The following TGFBI variants were observed in gnomAD, a reference collection of about 807,000 sequenced individuals.
TGFBI encodes the protein transforming growth factor beta induced.
In TGFBI, 50 loss-of-function variants were observed where a neutral mutation model predicts 73.7. That is an observed-to-expected ratio of 0.68 (90% confidence interval 0.54 to 0.86). The LOEUF (loss-of-function observed/expected upper bound fraction) is 0.86. TGFBI is among the 40% of genes least tolerant of loss of function. TGFBI has a pLI of 0.00. For missense variants in TGFBI, 839 were observed against 877.0 expected (o/e 0.96, Z 0.55); for synonymous variants, 362 against 360.5 (o/e 1.00, Z -0.05).
intron 13 of TGFBI, among the ~76,000 whole-genome samples, chr5:136,060,433 G>A (rs1202829347): frequency 3.9e-5 from 6 of 152,330 alleles, no homozygotes; most frequent in South Asian, 2.1e-4. Flanking sequence ...TCAGTAGGCC[G>A]GGTGCAGTGG....
chr5:136,048,681 T>A (rs1751479505), intron 6 of TGFBI: 1 of 152,320 alleles, frequency 6.6e-6, no homozygotes, highest in Admixed American at 6.5e-5. Flanking sequence ...AGGATGAGAA[T>A]GGGTCCATTA....
intron 11 of TGFBI, among the ~76,000 whole-genome samples, chr5:136,056,060 G>A (rs895111701): frequency 6.6e-6 from 1 of 152,144 alleles, no homozygotes; most frequent in African/African-American, 2.4e-5. Flanking sequence ...AGGGAGGGGG[G>A]ACTACATTTT....
Position 136,038,650 on chromosome 5 carries a change from G to A in TGFBI, c.233+4789G>A, listed in dbSNP as rs548296554. Among the ~76,000 whole-genome samples, 4 of 151,662 alleles carry A rather than the reference G, an allele frequency of 2.6e-5. No homozygotes were observed. In the South Asian group the frequency reaches 8.3e-4, roughly 32 times the overall value. ...GCGGGAGAATTGCTTGAACCCAGGA[G>A]GCAGAGGTTGTGGTGAGCTGAGATC... On this transcript the variant is annotated intron_variant, in intron 2 of 16. Transcript: ENST00000442011.
chr5:136,061,260 T>C (rs1404371707), intron 14 of TGFBI: 1 of 586,646 alleles, frequency 1.7e-6, no homozygotes, highest in African/African-American at 1.9e-5. Context: ...CCTCAGTGTA[T>C]GTTCCTTGCC....
At chr5:136,045,403 G>C (rs1045644453) in intron 3 of TGFBI, among the ~76,000 whole-genome samples, 4 of 152,136 alleles carry the variant, frequency 2.6e-5, no homozygotes, top group Non-Finnish European at 5.9e-5. Flanking sequence ...AAATTAGCTG[G>C]GTGTGGTGGT....
rs1173481910 is a variant in TGFBI at position 136,063,259 on chromosome 5, A to C, written c.*33A>C. 3 of 1,597,296 alleles carry C rather than the reference A, an allele frequency of 1.9e-6. No homozygotes were observed. Among genetic ancestry groups the C allele is most frequent in the Non-Finnish European group, 2.6e-6 (3 of 1,165,492 alleles). ...CACTACAGGAGGAATGCACCACGGC[A>C]GCTCTCCGCCAATTTCTCTCAGATT... On this transcript the variant is annotated 3_prime_UTR_variant, in exon 17 of 17. Coordinates refer to ENST00000442011, the MANE Select transcript of TGFBI (RefSeq NM_000358.3).
chr5:136,040,213 C>T (rs1751305589), intron 2 of TGFBI, among the ~76,000 whole-genome samples: 1 of 152,150 alleles, frequency 6.6e-6, no homozygotes, highest in Non-Finnish European at 1.5e-5. Flanking sequence ...GCCTCCCAGA[C>T]ATCCCTACAC....
intron 12 of TGFBI, among the ~76,000 whole-genome samples, chr5:136,057,716 C>G (rs1328517921): frequency 6.6e-6 from 1 of 152,168 alleles, no homozygotes; most frequent in African/African-American, 2.4e-5. Flanking sequence ...ACATTGTCTA[C>G]ACCTCCCTTC....
chr5:136,029,228 G>A, intron 1 of TGFBI, 39 bp downstream of exon 1: 1 of 1,433,358 alleles, frequency 7.0e-7, no homozygotes, highest in Non-Finnish European at 9.1e-7. Context: ...CGGAAGGTCA[G>A]GTAGTCGGGG....
At chr5:136,030,616 AG>A (rs1361282546) in intron 1 of TGFBI, among the ~76,000 whole-genome samples, 5 of 152,206 alleles carry the variant, frequency 3.3e-5, no homozygotes, top group Admixed American at 6.5e-5. Flanking sequence ...GAATAGAGTG[AG>A]GGGGGATGTC....
chr5:136,047,333 G>T lies in TGFBI; in HGVS notation c.684G>T (p.Val228=). The T allele has an allele frequency of 6.2e-7, 1 of 1,613,740 alleles. No individual in the cohort carries two copies. Among genetic ancestry groups the T allele is most frequent in the Non-Finnish European group, 8.5e-7 (1 of 1,179,836 alleles). ...LKADHHATNG[V]VHLIDKVIST... ...CCGACCACCATGCAACCAACGGGGT[G>T]GTGCACCTCATCGATAAGGTCATCT... The change falls in exon 6 of 17, where the codon GTG becomes GTT. Residue 228 remains valine, a synonymous_variant. Transcript: ENST00000442011.
At chr5:136,045,895 A>G (rs1751418475) in intron 3 of TGFBI, 1 of 153,456 alleles carries the variant, frequency 6.5e-6, no homozygotes, top group Non-Finnish European at 1.5e-5. Context: ...AAGAAATAAC[A>G]TTTTATTACC....
rs778990116 is a variant in TGFBI, at chr5:136,055,682, C to T, written c.1413C>T (p.Ser471=). Residue 471 remains serine, a splice_region_variant and synonymous_variant, in exon 11 of 17, where the codon AGC becomes AGT. Coordinates refer to ENST00000442011, the MANE Select transcript of TGFBI (RefSeq NM_000358.3). ...KKLRVFVYRN[S]LCIENSCIAA... ...TTCTCTGTCCCTCTTCTGTGCAGAG[C>T]CTCTGCATTGAGAACAGCTGCATCG... is the stretch of plus-strand genomic sequence containing the variant. 3 of 1,600,340 alleles carry T rather than the reference C, an allele frequency of 1.9e-6. No individual in the cohort carries two copies. The highest frequency in any genetic ancestry group is 2.6e-6 in the Non-Finnish European group (3 of 1,169,430).
At chr5:136,056,838 G>A (rs2126915449) in intron 12 of TGFBI, 43 bp downstream of exon 12, 2 of 1,573,852 alleles carry the variant, frequency 1.3e-6, no homozygotes, top group African/African-American at 1.4e-5. Context: ...TTCTAAAGTA[G>A]TGATCCCTCA....
chr5:136,030,038 A>G (rs1751088982), intron 1 of TGFBI, among the ~76,000 whole-genome samples: 1 of 152,224 alleles, frequency 6.6e-6, no homozygotes, highest in Non-Finnish European at 1.5e-5. Flanking sequence ...AGAGGCAGGC[A>G]ACATTTCTAC....
chr5:136,033,070 G>A (rs887152140), intron 1 of TGFBI, among the ~76,000 whole-genome samples: 11 of 152,118 alleles, frequency 7.2e-5, no homozygotes, highest in Admixed American at 2.0e-4. Flanking sequence ...AACAGAACAA[G>A]GCAGAACACT....
At chr5:136,057,280 C>T (rs1315097437) in intron 12 of TGFBI, among the ~76,000 whole-genome samples, 2 of 152,262 alleles carry the variant, frequency 1.3e-5, no homozygotes, top group Middle Eastern at 3.4e-3. Context: ...AGGGTGGCTG[C>T]GACCAGCCCA....
At chr5:136,033,051 A>G (rs1279162990) in intron 1 of TGFBI, among the ~76,000 whole-genome samples, 2 of 152,070 alleles carry the variant, frequency 1.3e-5, no homozygotes, top group Non-Finnish European at 2.9e-5. Context: ...CCCCATCTAG[A>G]ATGTGAACAA....
Position 136,046,926 on chromosome 5 carries a change from C to A in TGFBI, c.535C>A (p.Arg179=), listed in dbSNP as rs886059924. 1.9e-6 allele frequency: 3 copies of A among 1,613,714 alleles called. No individual in the cohort carries two copies. Among genetic ancestry groups the A allele is most frequent in the Non-Finnish European group, 2.5e-6 (3 of 1,179,818 alleles). The part of the protein sequence containing the change: ...NALRYHMVGR[R]VLTDELKHGM... Reference sequence around the variant, plus strand: ...CCTCCGCTACCATATGGTGGGCAGGCGAGTCCTGACTGATGAGCTGAAACA... The same window carrying A: ...CCTCCGCTACCATATGGTGGGCAGGAGAGTCCTGACTGATGAGCTGAAACA... The change falls in exon 5 of 17, where the codon CGA becomes AGA. Residue 179 remains arginine, a synonymous_variant. Transcript: ENST00000442011.
Sources: allele counts gnomAD v4.1 joint callset (sites outside exome capture counted in the v4.1 genomes callset), GRCh38; gene constraint gnomAD v4.1.1; transcripts MANE v1.5; gene names NCBI Gene and HGNC (gene_info 2026-07-23, HGNC 2026-07-21).